The following CYYR1 variants were observed in gnomAD, a reference collection of about 807,000 sequenced individuals.
The protein encoded by CYYR1 is cysteine and tyrosine-rich protein 1.
In CYYR1, 14 loss-of-function variants were observed where a neutral mutation model predicts 15.2. That is an observed-to-expected ratio of 0.92 (90% CI 0.61 to 1.44). The LOEUF is 1.44. Ranked by LOEUF, CYYR1 falls within the 40% of genes most tolerant of loss-of-function variation. CYYR1 has a pLI of 0.00. For missense variants in CYYR1, 228 were observed against 209.5 expected (o/e 1.09, Z -0.54); for synonymous variants, 80 against 77.4 (o/e 1.03, Z -0.18).
chr21:26,565,077 G>A (rs1052584028), intron 2 of CYYR1, among the ~76,000 whole-genome samples: 1 of 152,084 alleles, frequency 6.6e-6, no homozygotes, highest in South Asian at 2.1e-4. Context: ...TTTCAAGGAA[G>A]GCTTAAATTC....
chr21:26,529,420 C>G (rs2065903862), intron 2 of CYYR1, among the ~76,000 whole-genome samples: 2 of 152,194 alleles, frequency 1.3e-5, no homozygotes, highest in Non-Finnish European at 2.9e-5. Context: ...AAATGCCATG[C>G]AATGCATTTA....
intron 2 of CYYR1, chr21:26,550,863 G>A (rs765964829): frequency 3.3e-5 from 5 of 152,262 alleles, no homozygotes; most frequent in African/African-American, 4.8e-5. Flanking sequence ...ATTGATAAAC[G>A]TGGCTACATT....
chr21:26,490,030 G>A (rs1350207806), intron 2 of CYYR1, among the ~76,000 whole-genome samples: 2 of 151,978 alleles, frequency 1.3e-5, no homozygotes, highest in African/African-American at 2.4e-5. Context: ...GCGGCTGGGG[G>A]CAGTGGCTCA....
intron 2 of CYYR1, among the ~76,000 whole-genome samples, chr21:26,531,724 G>A (rs2065932723): frequency 1.3e-5 from 2 of 152,100 alleles, no homozygotes; most frequent in Non-Finnish European, 2.9e-5. Flanking sequence ...CTTTATAGCA[G>A]TGTGAGAACG....
At chr21:26,568,057 C>G (rs1260781033) in intron 1 of CYYR1, 1 of 152,096 alleles carries the variant, frequency 6.6e-6, no homozygotes, top group Non-Finnish European at 1.5e-5. Context: ...TACTTAAGTC[C>G]ACTTTTAAAA....
intron 3 of CYYR1, among the ~76,000 whole-genome samples, chr21:26,473,776 T>G (rs1260831907): frequency 3.9e-5 from 6 of 152,116 alleles, no homozygotes. Context: ...CATGAGATGG[T>G]TAACTCAGGA....
At chr21:26,510,144 GTAAGTC>G (rs1408592920) in intron 2 of CYYR1, among the ~76,000 whole-genome samples, 1 of 151,940 alleles carries the variant, frequency 6.6e-6, no homozygotes, top group East Asian at 1.9e-4. Flanking sequence ...AGAAAGGTTT[GTAAGTC>G]CCAAATATAA....
At chr21:26,567,824 A>G (rs1980744956) in intron 1 of CYYR1, 1 of 152,234 alleles carries the variant, frequency 6.6e-6, no homozygotes, top group Admixed American at 6.5e-5. Context: ...TTCCCTGCTA[A>G]GATGATACTT....
chr21:26,513,858 G>A (rs1440342533), intron 2 of CYYR1, among the ~76,000 whole-genome samples: 1 of 135,502 alleles, frequency 7.4e-6, no homozygotes, highest in Admixed American at 8.8e-5. Context: ...GGTGGGAATT[G>A]AACAATGAGA....
At chr21:26,550,096 C>A (rs973867410) in intron 2 of CYYR1, among the ~76,000 whole-genome samples, 7 of 152,188 alleles carry the variant, frequency 4.6e-5, no homozygotes, top group Admixed American at 3.3e-4. Flanking sequence ...GTAATTTTCA[C>A]AATATGTCAA....
intron 2 of CYYR1, among the ~76,000 whole-genome samples, chr21:26,530,587 T>C (rs898048580): frequency 1.3e-5 from 2 of 152,122 alleles, no homozygotes; most frequent in African/African-American, 2.4e-5. Flanking sequence ...AAATGAGGTA[T>C]TTCTCTTAAT....
At chr21:26,527,866 G>A (rs1186759134) in intron 2 of CYYR1, among the ~76,000 whole-genome samples, 1 of 152,170 alleles carries the variant, frequency 6.6e-6, no homozygotes, top group Non-Finnish European at 1.5e-5. Context: ...CGAAGTCAGG[G>A]ATAATGAAGG....
chr21:26,481,098 A>G (rs902769820), intron 2 of CYYR1, among the ~76,000 whole-genome samples: 3 of 152,172 alleles, frequency 2.0e-5, no homozygotes, highest in African/African-American at 7.2e-5. Flanking sequence ...TAGAAAAAAA[A>G]GCCGAATAGC....
At chr21:26,501,488 A>G (rs2065481911) in intron 2 of CYYR1, among the ~76,000 whole-genome samples, 1 of 152,254 alleles carries the variant, frequency 6.6e-6, no homozygotes, top group Non-Finnish European at 1.5e-5. Flanking sequence ...GGTTTTATAC[A>G]GAAATTTCTA....
At chr21:26,549,277 T>G (rs1177586659) in intron 2 of CYYR1, among the ~76,000 whole-genome samples, 9 of 152,162 alleles carry the variant, frequency 5.9e-5, no homozygotes, top group Non-Finnish European at 1.3e-4. Flanking sequence ...AGCACTCCCA[T>G]CTCATAAATA....
chr21:26,516,999 C>CAGCTACTCGG (rs2065736335), intron 2 of CYYR1, among the ~76,000 whole-genome samples: 1 of 149,718 alleles, frequency 6.7e-6, no homozygotes, highest in Non-Finnish European at 1.5e-5. Context: ...CCTGTAGTCC[C>CAGCTACTCGG]AGCTACTCGG....
intron 1 of CYYR1, among the ~76,000 whole-genome samples, chr21:26,571,859 T>A (rs8129933): frequency 0.084 from 12,794 of 152,166 alleles, 1,814 homozygotes; most frequent in African/African-American, 0.29. Flanking sequence ...AAATGGTAAC[T>A]CCTAGACAGC....
At position 26,573,011 on chromosome 21, in the gene CYYR1, C is replaced by T; in HGVS notation, c.-71G>A. The T allele has an allele frequency of 6.2e-7, 1 of 1,610,134 alleles. No homozygotes were observed. Among genetic ancestry groups the T allele is most frequent in the South Asian group, 1.1e-5 (1 of 90,580 alleles). ...CGGAGGGAATGGGGAGGATGGAGGG[C>T]GATCAGATGGAGAGAGCAGCGCTCC... On this transcript the variant is annotated 5_prime_UTR_variant, in exon 1 of 4. Transcript: ENST00000652641.
intron 2 of CYYR1, among the ~76,000 whole-genome samples, chr21:26,481,030 CTAA>C (rs1271669392): frequency 6.6e-6 from 1 of 152,070 alleles, no homozygotes; most frequent in East Asian, 1.9e-4. Context: ...TCGATTTCTA[CTAA>C]TGTTAATGGT....
Sources: gnomAD v4.1 joint callset for allele counts (sites outside exome capture counted in the v4.1 genomes callset) on GRCh38, gnomAD v4.1.1 for gene constraint, MANE v1.5 for transcripts, NCBI Gene and HGNC (gene_info 2026-07-23, HGNC 2026-07-21) for gene names.